The following VPS41 variants were observed in gnomAD, a reference collection of about 807,000 sequenced individuals.
VPS41 encodes vacuolar protein sorting-associated protein 41 homolog.
Under a neutral mutation model 130.9 loss-of-function variants are expected in VPS41, and 85 were observed. The ratio of observed to expected loss-of-function variants is 0.65; its 90% CI spans 0.55 to 0.78. The LOEUF (loss-of-function observed/expected upper bound fraction) is 0.78, where lower values mean the gene tolerates loss of function less well. Ranked by LOEUF, VPS41 falls within the 30% of genes least tolerant of loss-of-function variation. VPS41 has a pLI of 0.00. For synonymous variants in VPS41, 335 were observed against 332.9 expected, an observed-to-expected ratio of 1.01 and a Z score of -0.07; for missense variants, 874 against 1,018.7, an observed-to-expected ratio of 0.86 and a Z score of 1.93.
At chr7:38,858,849 T>C (rs1172656371) in intron 4 of VPS41, among the ~76,000 whole-genome samples, 1 of 152,216 alleles carries the variant, frequency 6.6e-6, no homozygotes, top group Non-Finnish European at 1.5e-5. Flanking sequence ...TATTTCTTAT[T>C]GGTATTTAGA....
chr7:38,790,460 A>G (rs1784515587), intron 9 of VPS41, among the ~76,000 whole-genome samples: 1 of 152,158 alleles, frequency 6.6e-6, no homozygotes, highest in African/African-American at 2.4e-5. Flanking sequence ...TGAATTCTAC[A>G]TTCATGGATT....
intron 10 of VPS41, among the ~76,000 whole-genome samples, chr7:38,789,153 C>T (rs1054235787): frequency 2.0e-5 from 3 of 152,170 alleles, no homozygotes; most frequent in African/African-American, 7.2e-5. Context: ...TAAGCACCTT[C>T]TATGTGCAAG....
chr7:38,882,920 T>G (rs1364310938), intron 2 of VPS41, among the ~76,000 whole-genome samples: 2 of 152,046 alleles, frequency 1.3e-5, no homozygotes. Flanking sequence ...AAACAAAGAC[T>G]CTCCAATGCT....
chr7:38,807,671 C>T (rs1473482993), intron 7 of VPS41, among the ~76,000 whole-genome samples: 2 of 152,198 alleles, frequency 1.3e-5, no homozygotes, highest in Non-Finnish European at 2.9e-5. Context: ...CAGATTCAAA[C>T]CAAATACTCC....
At chr7:38,748,119 C>G (rs902772211) in intron 22 of VPS41, among the ~76,000 whole-genome samples, 9 of 152,184 alleles carry the variant, frequency 5.9e-5, no homozygotes, top group Non-Finnish European at 1.0e-4. Context: ...AAAAAGAAAG[C>G]ATTTAGATTC....
chr7:38,841,584 T>C (rs978171537), intron 4 of VPS41, among the ~76,000 whole-genome samples: 5 of 152,194 alleles, frequency 3.3e-5, no homozygotes, highest in African/African-American at 1.2e-4. Context: ...TTCTCTTCAT[T>C]TCCTTCCTGC....
intron 5 of VPS41, among the ~76,000 whole-genome samples, chr7:38,825,939 T>C (rs1785265936): frequency 6.6e-6 from 1 of 152,216 alleles, no homozygotes. Flanking sequence ...CTATATGACC[T>C]TCCCAGTTAG....
intron 2 of VPS41, among the ~76,000 whole-genome samples, chr7:38,878,589 A>G (rs1237292322): frequency 6.6e-6 from 1 of 152,226 alleles, no homozygotes; most frequent in Non-Finnish European, 1.5e-5. Context: ...TATTAATAAA[A>G]AACATGTAAG....
chr7:38,847,486 T>C (rs959763458), intron 4 of VPS41, among the ~76,000 whole-genome samples: 6 of 152,302 alleles, frequency 3.9e-5, no homozygotes, highest in African/African-American at 1.4e-4. Context: ...GCTGAGACTA[T>C]ATAACTAAAA....
intron 4 of VPS41, among the ~76,000 whole-genome samples, chr7:38,858,592 A>C (rs1034148112): frequency 2.0e-5 from 3 of 152,230 alleles, no homozygotes; most frequent in African/African-American, 7.2e-5. Context: ...TTTACAAGCT[A>C]TCTTTTCCTA....
intron 5 of VPS41, among the ~76,000 whole-genome samples, chr7:38,827,162 T>A (rs977240717): frequency 1.3e-5 from 2 of 152,104 alleles, no homozygotes; most frequent in African/African-American, 2.4e-5. Flanking sequence ...CAGGCTGATA[T>A]GAAAACAGAA....
At chr7:38,779,209 G>T (rs1784315806) in intron 10 of VPS41, among the ~76,000 whole-genome samples, 1 of 152,148 alleles carries the variant, frequency 6.6e-6, no homozygotes, top group South Asian at 2.1e-4. Flanking sequence ...TAAATCACAA[G>T]CTGACAAAAA....
At chr7:38,821,965 T>C (rs1428067915) in intron 5 of VPS41, among the ~76,000 whole-genome samples, 1 of 152,138 alleles carries the variant, frequency 6.6e-6, no homozygotes, top group Non-Finnish European at 1.5e-5. Context: ...GAGATTTTTT[T>C]TTAGTGTCTC....
At chr7:38,850,618 TAA>T (rs1356130186) in intron 4 of VPS41, among the ~76,000 whole-genome samples, 2 of 152,178 alleles carry the variant, frequency 1.3e-5, no homozygotes, top group African/African-American at 4.8e-5. Context: ...GGAAGACTGG[TAA>T]GTATTAAATT....
At chr7:38,767,720 A>G (rs1784076335) in intron 14 of VPS41, 122 bp from the exon 15 acceptor site, 1 of 524,124 alleles carries the variant, frequency 1.9e-6, no homozygotes, top group African/African-American at 2.0e-5. Context: ...TAACCTGTTT[A>G]TACTCTTAGC....
chr7:38,864,945 T>C (rs925263490), intron 3 of VPS41, among the ~76,000 whole-genome samples: 1 of 152,064 alleles, frequency 6.6e-6, no homozygotes. Context: ...CTTAAGTAAC[T>C]GATAAATGTA....
chr7:38,787,054 A>G (rs1353512580), intron 10 of VPS41, among the ~76,000 whole-genome samples: 1 of 152,264 alleles, frequency 6.6e-6, no homozygotes, highest in African/African-American at 2.4e-5. Context: ...GAAGATACAG[A>G]CAATACTGAA....
chr7:38,737,500 A>C (rs1391203920), intron 25 of VPS41, among the ~76,000 whole-genome samples: 8 of 152,220 alleles, frequency 5.3e-5, no homozygotes, highest in Non-Finnish European at 1.2e-4. Context: ...AAAACTTAAA[A>C]CTGCCAAATT....
intron 4 of VPS41, among the ~76,000 whole-genome samples, chr7:38,840,097 C>T (rs1785579289): frequency 6.6e-6 from 1 of 152,170 alleles, no homozygotes; most frequent in African/African-American, 2.4e-5. Context: ...ACTTCAGAGG[C>T]TGAAGCAAAC....
Sources: gnomAD v4.1 joint callset for allele counts (sites outside exome capture counted in the v4.1 genomes callset) on GRCh38, gnomAD v4.1.1 for gene constraint, MANE v1.5 for transcripts, NCBI Gene and HGNC (gene_info 2026-07-23, HGNC 2026-07-21) for gene names.